The following MAPKAP1 variants were observed in gnomAD, a reference collection of about 807,000 sequenced individuals.
The protein encoded by MAPKAP1 is target of rapamycin complex 2 subunit MAPKAP1.
A neutral mutation model predicts 65.7 loss-of-function variants in MAPKAP1; 20 were observed. That is an observed-to-expected ratio of 0.30 (90% CI 0.21 to 0.44). MAPKAP1 has a LOEUF of 0.44. Among genes scored for constraint, MAPKAP1 ranks in the 20% least tolerant of loss-of-function variants. The pLI is 1.00. For synonymous variants in MAPKAP1, 222 were observed against 244.3 expected (o/e 0.91, Z 0.85); for missense variants, 423 against 648.0 (o/e 0.65, Z 3.77).
intron 9 of MAPKAP1, 82 bp from the exon 10 acceptor site, chr9:125,468,191 T>A: frequency 2.0e-6 from 3 of 1,467,430 alleles, no homozygotes; most frequent in South Asian, 1.2e-5. Context: ...TTGACCTGTT[T>A]TATAAATCTG....
At chr9:125,468,961 AACCGC>A (rs1210378621) in intron 9 of MAPKAP1, among the ~76,000 whole-genome samples, 18 of 152,222 alleles carry the variant, frequency 1.2e-4, no homozygotes, top group African/African-American at 4.3e-4. Flanking sequence ...AATGCACAGC[AACCGC>A]TTTCTCAGTA....
chr9:125,549,828 T>A (rs921494957), intron 6 of MAPKAP1, among the ~76,000 whole-genome samples: 1 of 152,124 alleles, frequency 6.6e-6, no homozygotes, highest in Non-Finnish European at 1.5e-5. Flanking sequence ...ATTTCGACCC[T>A]CCCCTTCCAG....
intron 1 of MAPKAP1, among the ~76,000 whole-genome samples, chr9:125,706,730 C>T (rs982887061): frequency 2.0e-5 from 3 of 152,070 alleles, no homozygotes; most frequent in African/African-American, 4.8e-5. Flanking sequence ...CTACACCCCC[C>T]ACCCCCACAC....
chr9:125,665,679 C>T (rs1834320308), intron 3 of MAPKAP1, among the ~76,000 whole-genome samples: 1 of 152,052 alleles, frequency 6.6e-6, no homozygotes, highest in African/African-American at 2.4e-5. Context: ...GGCCCCAACC[C>T]CCATCTACTA....
chr9:125,572,922 T>C (rs1156298702), intron 5 of MAPKAP1: 1 of 152,032 alleles, frequency 6.6e-6, no homozygotes, highest in African/African-American at 2.4e-5. Context: ...AACTCAAGAG[T>C]TATGAATGGA....
At chr9:125,483,426 G>A (rs971023549) in intron 9 of MAPKAP1, among the ~76,000 whole-genome samples, 1 of 152,192 alleles carries the variant, frequency 6.6e-6, no homozygotes, top group African/African-American at 2.4e-5. Context: ...AGTTAGCCAG[G>A]TTCAAACTAA....
At chr9:125,618,514 G>T (rs1427744944) in intron 4 of MAPKAP1, among the ~76,000 whole-genome samples, 1 of 151,868 alleles carries the variant, frequency 6.6e-6, no homozygotes, top group Non-Finnish European at 1.5e-5. Flanking sequence ...TCAAATGTTG[G>T]TCTATATTTA....
intron 6 of MAPKAP1, among the ~76,000 whole-genome samples, chr9:125,557,104 A>G (rs1830758053): frequency 6.6e-6 from 1 of 152,192 alleles, no homozygotes; most frequent in African/African-American, 2.4e-5. Context: ...CAAAAAACAG[A>G]GTATTAAGTT....
At chr9:125,628,367 G>C (rs1458609304) in intron 4 of MAPKAP1, among the ~76,000 whole-genome samples, 2 of 152,114 alleles carry the variant, frequency 1.3e-5, no homozygotes, top group Non-Finnish European at 2.9e-5. Context: ...TCACTATGCA[G>C]ATCATCAAGA....
At chr9:125,678,009 C>G (rs1834702621) in intron 1 of MAPKAP1, among the ~76,000 whole-genome samples, 1 of 152,084 alleles carries the variant, frequency 6.6e-6, no homozygotes, top group Non-Finnish European at 1.5e-5. Flanking sequence ...CTTCAACTTC[C>G]CAGACTCAGG....
chr9:125,463,855 T>C (rs1853583637), intron 10 of MAPKAP1, among the ~76,000 whole-genome samples: 1 of 152,220 alleles, frequency 6.6e-6, no homozygotes, highest in African/African-American at 2.4e-5. Flanking sequence ...TATTAAGGTT[T>C]AAATCTGATT....
chr9:125,586,894 C>T (rs1040517209), intron 4 of MAPKAP1, among the ~76,000 whole-genome samples: 7 of 152,220 alleles, frequency 4.6e-5, no homozygotes, highest in African/African-American at 1.7e-4. Context: ...GTGCTGCCAC[C>T]ACTAAGCCAG....
At chr9:125,577,525 C>A in intron 5 of MAPKAP1, among the ~76,000 whole-genome samples, 1 of 142,054 alleles carries the variant, frequency 7.0e-6, no homozygotes, top group Admixed American at 7.0e-5. Flanking sequence ...AGTGAGGAGC[C>A]CCTCTGCCTG....
chr9:125,624,752 A>C (rs1833045288), intron 4 of MAPKAP1, among the ~76,000 whole-genome samples: 3 of 81,492 alleles, frequency 3.7e-5, no homozygotes, highest in East Asian at 5.7e-4. Flanking sequence ...CCAATAGCTC[A>C]TTGAGAACGG....
intron 7 of MAPKAP1, among the ~76,000 whole-genome samples, chr9:125,534,152 TGTAA>T (rs1012281783): frequency 7.0e-4 from 106 of 152,308 alleles, no homozygotes; most frequent in African/African-American, 2.5e-3. Context: ...ATGTTGAATA[TGTAA>T]GTGATTTTAA....
chr9:125,650,200 G>A (rs761250953), intron 4 of MAPKAP1, among the ~76,000 whole-genome samples: 1 of 152,140 alleles, frequency 6.6e-6, no homozygotes, highest in Non-Finnish European at 1.5e-5. Context: ...AAAATGTCTT[G>A]ATTAGTTTCT....
chr9:125,604,937 G>A (rs975556179), intron 4 of MAPKAP1, among the ~76,000 whole-genome samples: 2 of 152,154 alleles, frequency 1.3e-5, no homozygotes, highest in African/African-American at 4.8e-5. Flanking sequence ...AATTATCCCC[G>A]TTCCTATTCG....
At chr9:125,579,528 G>A (rs369373639) in intron 5 of MAPKAP1, among the ~76,000 whole-genome samples, 18 of 152,148 alleles carry the variant, frequency 1.2e-4, no homozygotes, top group African/African-American at 4.1e-4. Flanking sequence ...TCTGACCTCA[G>A]GTGATCCACC....
intron 4 of MAPKAP1, among the ~76,000 whole-genome samples, chr9:125,649,441 C>A (rs1833827290): frequency 6.6e-6 from 1 of 152,028 alleles, no homozygotes; most frequent in Non-Finnish European, 1.5e-5. Flanking sequence ...ATAAAATTAC[C>A]CTATCGTTTT....
Sources: allele counts gnomAD v4.1 joint callset (sites outside exome capture counted in the v4.1 genomes callset), GRCh38; gene constraint gnomAD v4.1.1; transcripts MANE v1.5; gene names NCBI Gene and HGNC (gene_info 2026-07-23, HGNC 2026-07-21).